FAM117A: variants seen among roughly 807,000 people sequenced by gnomAD.
FAM117A encodes the protein protein FAM117A.
Under a neutral mutation model 44.1 loss-of-function variants are expected in FAM117A, and 21 were observed. The ratio of observed to expected loss-of-function variants is 0.48; its 90% confidence interval spans 0.34 to 0.69. The LOEUF (loss-of-function observed/expected upper bound fraction) is 0.69. Ranked by LOEUF, FAM117A falls within the 30% of genes least tolerant of loss-of-function variation. The pLI, the probability that FAM117A is intolerant of heterozygous loss-of-function variation, is 0.01. For missense variants in FAM117A, 498 were observed against 589.9 expected (o/e 0.84, Z 1.61); for synonymous variants, 220 against 238.3 (o/e 0.92, Z 0.71).
intron 2 of FAM117A, among the ~76,000 whole-genome samples, chr17:49,729,377 G>A (rs1462504475): frequency 6.6e-6 from 1 of 152,176 alleles, no homozygotes; most frequent in Non-Finnish European, 1.5e-5. Context: ...ACCAGTGAGG[G>A]AGGATGAAGC....
intron 1 of FAM117A, among the ~76,000 whole-genome samples, chr17:49,771,309 A>G (rs1314177943): frequency 6.6e-6 from 1 of 152,206 alleles, no homozygotes; most frequent in East Asian, 1.9e-4. Context: ...AACAAAAAGG[A>G]TTTAGATACA....
chr17:49,775,580 G>A (rs1397394790), intron 1 of FAM117A, among the ~76,000 whole-genome samples: 1 of 152,192 alleles, frequency 6.6e-6, no homozygotes. Flanking sequence ...TGAAGGTGAG[G>A]AACTTGTACC....
In FAM117A at chr17:49,717,611, G is replaced by A; in HGVS notation, c.812C>T (p.Pro271Leu). 1 of 1,614,194 alleles carries A rather than the reference G, an allele frequency of 6.2e-7. No individual in the cohort carries two copies. The highest frequency in any genetic ancestry group is 1.7e-4 in the Middle Eastern group (1 of 6,060). Reference sequence around the variant, plus strand: ...CTGGGGAGATGCCAAGGACATGGAAGGAGAGCTGGCAAGGTTGCCAGGCTC... The same window carrying A: ...CTGGGGAGATGCCAAGGACATGGAAAGAGAGCTGGCAAGGTTGCCAGGCTC... ...LLEPGNLASS[P>L]SMSLASPQPC... The change falls in exon 6 of 8, where the codon CCT (proline) becomes CTT (leucine). Residue 271 changes from proline (P) to leucine (L), a missense_variant. Coordinates refer to ENST00000240364, the MANE Select transcript of FAM117A (RefSeq NM_030802.4).
chr17:49,771,133 G>T (rs1935798726), intron 1 of FAM117A, among the ~76,000 whole-genome samples: 1 of 152,200 alleles, frequency 6.6e-6, no homozygotes, highest in South Asian at 2.1e-4. Flanking sequence ...TTTGAACCTG[G>T]GAGGTGGAGG....
At chr17:49,736,068 C>T (rs953995650) in intron 1 of FAM117A, among the ~76,000 whole-genome samples, 1 of 152,058 alleles carries the variant, frequency 6.6e-6, no homozygotes, top group Non-Finnish European at 1.5e-5. Flanking sequence ...ACAGGTCTTA[C>T]CTCTTCTGTG....
At chr17:49,774,638 G>A (rs1357941129) in intron 1 of FAM117A, among the ~76,000 whole-genome samples, 2 of 152,132 alleles carry the variant, frequency 1.3e-5, no homozygotes, top group African/African-American at 2.4e-5. Context: ...GATTACAGGC[G>A]TGAGCCACCG....
chr17:49,745,244 A>G (rs985370284), intron 1 of FAM117A, among the ~76,000 whole-genome samples: 6 of 152,194 alleles, frequency 3.9e-5, no homozygotes, highest in African/African-American at 1.4e-4. Flanking sequence ...TTCAAAGGCC[A>G]AAAGACAATT....
chr17:49,788,395 C>CGACCAAGAAGG (rs3842377), intron 1 of FAM117A: 2 of 166,014 alleles, frequency 1.2e-5, no homozygotes, highest in Non-Finnish European at 2.6e-5. Flanking sequence ...GAAATTAAAA[C>CGACCAAGAAGG]GAAATTTTGC....
chr17:49,714,447 C>T (rs1332630674), intron 7 of FAM117A, among the ~76,000 whole-genome samples: 2 of 151,494 alleles, frequency 1.3e-5, no homozygotes, highest in South Asian at 2.1e-4. Flanking sequence ...AAGCAATTCT[C>T]GTGCCTCAGC....
intron 2 of FAM117A, among the ~76,000 whole-genome samples, chr17:49,729,919 C>T (rs970770897): frequency 1.3e-5 from 2 of 152,198 alleles, no homozygotes; most frequent in Non-Finnish European, 2.9e-5. Context: ...CAAACCTCTC[C>T]TTCCTCTCCA....
intron 1 of FAM117A, among the ~76,000 whole-genome samples, chr17:49,779,208 G>T (rs180834600): frequency 8.0e-4 from 122 of 152,324 alleles, no homozygotes; most frequent in African/African-American, 2.8e-3. Flanking sequence ...GCCAGGGAAG[G>T]ATTTCTGTCT....
chr17:49,779,588 C>T (rs2073784121), intron 1 of FAM117A, among the ~76,000 whole-genome samples: 1 of 152,168 alleles, frequency 6.6e-6, no homozygotes, highest in South Asian at 2.1e-4. Context: ...ATCATGTGTA[C>T]CCCCCATTTA....
intron 1 of FAM117A, among the ~76,000 whole-genome samples, chr17:49,741,004 A>G (rs980311438): frequency 1.3e-5 from 2 of 152,142 alleles, no homozygotes; most frequent in African/African-American, 4.8e-5. Context: ...CTGGGCATCT[A>G]GGGGACGTGC....
chr17:49,782,453 G>A (rs2073792516), intron 1 of FAM117A, among the ~76,000 whole-genome samples: 1 of 151,066 alleles, frequency 6.6e-6, no homozygotes, highest in South Asian at 2.1e-4. Flanking sequence ...ATTTTGGGAG[G>A]CCAAAGCGGG....
rs2073527104 is a variant in FAM117A, at chr17:49,720,270, T to C, written c.573+56A>G. On this transcript the variant is annotated intron_variant, in intron 4 of 7. Coordinates refer to ENST00000240364, the MANE Select transcript of FAM117A (RefSeq NM_030802.4). ...AAGACCCAGGAAACCTCTGCCCATA[T>C]AGGGGGGCCTGCATGGAGGAGAACA... 4 of 1,389,144 alleles carry C rather than the reference T, an allele frequency of 2.9e-6. No homozygotes were observed. In the South Asian group the frequency reaches 3.5e-5, roughly 12 times the overall value. 86.1% of individuals were successfully genotyped at this position (1,389,144 alleles called of 1,614,324 possible).
At chr17:49,733,550 G>A (rs1433348578) in intron 1 of FAM117A, among the ~76,000 whole-genome samples, 6 of 152,114 alleles carry the variant, frequency 3.9e-5, no homozygotes, top group Non-Finnish European at 7.3e-5. Flanking sequence ...GAGGGTGCCT[G>A]TAATCCCAGC....
chr17:49,775,559 C>T (rs2073773450), intron 1 of FAM117A, among the ~76,000 whole-genome samples: 1 of 152,178 alleles, frequency 6.6e-6, no homozygotes, highest in Non-Finnish European at 1.5e-5. Flanking sequence ...GTTTCTCCTG[C>T]TGTGCATGGT....
Position 49,755,276 on chromosome 17 carries a change from T to C in FAM117A, c.196+8616A>G, listed in dbSNP as rs572075312. On this transcript the variant is annotated intron_variant, in intron 1 of 7. Coordinates refer to ENST00000240364, the MANE Select transcript of FAM117A (RefSeq NM_030802.4). Reference sequence around the variant, plus strand: ...TGGGAGAGGGGCGCTTTCAGCCTGATCACACCTCTGAAGCCATCCTAGGGC... The same window carrying C: ...TGGGAGAGGGGCGCTTTCAGCCTGACCACACCTCTGAAGCCATCCTAGGGC... 2.0e-5 allele frequency among the ~76,000 whole-genome samples: 3 copies of C among 152,252 alleles called. No homozygotes were observed. The South Asian group carries it at 6.2e-4, about 32-fold the overall frequency.
intron 1 of FAM117A, among the ~76,000 whole-genome samples, chr17:49,761,264 G>C (rs1598034337): frequency 1.3e-5 from 2 of 152,274 alleles, no homozygotes; most frequent in South Asian, 4.1e-4. Flanking sequence ...CATTTTAAAA[G>C]ATGAGGGAAT....
Sources: gnomAD v4.1 joint callset for allele counts (sites outside exome capture counted in the v4.1 genomes callset) on GRCh38, gnomAD v4.1.1 for gene constraint, MANE v1.5 for transcripts, NCBI Gene and HGNC (gene_info 2026-07-23, HGNC 2026-07-21) for gene names.